The following ZFAT variants were observed in gnomAD, a reference collection of about 807,000 sequenced individuals.
The protein encoded by ZFAT is zinc finger and AT-hook domain containing.
Under a neutral mutation model 117.7 loss-of-function variants are expected in ZFAT, and 64 were observed. That is an observed-to-expected ratio of 0.54 (90% CI 0.44 to 0.67). The LOEUF (loss-of-function observed/expected upper bound fraction) is 0.67, where lower values mean the gene tolerates loss of function less well. Ranked by LOEUF, ZFAT falls within the 30% of genes least tolerant of loss-of-function variation. The pLI is 0.00. For missense variants in ZFAT, 1,433 were observed against 1,584.5 expected, an observed-to-expected ratio of 0.90 and a Z score of 1.62; for synonymous variants, 679 against 615.0, an observed-to-expected ratio of 1.10 and a Z score of -1.54.
chr8:134,806,664 C>G, the ZFAT span, among the ~76,000 whole-genome samples: 1 of 152,146 alleles, frequency 6.6e-6, no homozygotes, highest in African/African-American at 2.4e-5. Flanking sequence ...ACATTTTTAT[C>G]AGAGCCACTG....
At chr8:134,493,379 G>C (rs1818192394) in intron 15 of ZFAT, among the ~76,000 whole-genome samples, 1 of 152,210 alleles carries the variant, frequency 6.6e-6, no homozygotes. Context: ...GCTGAGAGGA[G>C]CAATGCAGGC....
chr8:134,731,259 C>T, the ZFAT span, among the ~76,000 whole-genome samples: 1 of 149,546 alleles, frequency 6.7e-6, no homozygotes, highest in Non-Finnish European at 1.5e-5. Flanking sequence ...TCAACAGAAA[C>T]ACATATGTAT....
At chr8:134,662,940 A>G (rs1342810527) in intron 1 of ZFAT, among the ~76,000 whole-genome samples, 1 of 152,238 alleles carries the variant, frequency 6.6e-6, no homozygotes, top group Admixed American at 6.5e-5. Context: ...GACCAGCCCT[A>G]TGCCCAAGAC....
chr8:134,767,721 C>T, the ZFAT span, among the ~76,000 whole-genome samples: 1 of 152,172 alleles, frequency 6.6e-6, no homozygotes, highest in Non-Finnish European at 1.5e-5. Context: ...GTGTATTTCT[C>T]ACTTTTTTTT....
chr8:134,617,028 A>T (rs569112114), intron 3 of ZFAT, among the ~76,000 whole-genome samples: 41 of 152,288 alleles, frequency 2.7e-4, no homozygotes, highest in African/African-American at 9.6e-4. Context: ...TATCTGGGAC[A>T]CCACCCCAAA....
At chr8:134,747,983 A>G in the ZFAT span, among the ~76,000 whole-genome samples, 2 of 152,256 alleles carry the variant, frequency 1.3e-5, no homozygotes, top group Admixed American at 1.3e-4. Flanking sequence ...CAGTTTGTTC[A>G]GCTAGTTGGA....
intron 15 of ZFAT, among the ~76,000 whole-genome samples, chr8:134,490,445 C>G (rs1033206592): frequency 1.3e-5 from 2 of 152,166 alleles, no homozygotes; most frequent in South Asian, 4.2e-4. Context: ...CTGACCAGTT[C>G]TAGAAAAAAA....
chr8:134,491,019 T>C (rs549800778), intron 15 of ZFAT, among the ~76,000 whole-genome samples: 11 of 152,326 alleles, frequency 7.2e-5, no homozygotes, highest in Admixed American at 2.0e-4. Context: ...TGGGCAACAA[T>C]GCATCAGAAT....
Position 134,588,339 on chromosome 8 carries a change from G to C in ZFAT, c.2620C>G (p.Leu874Val). The C allele has an allele frequency of 6.3e-7, 1 of 1,592,964 alleles. No individual in the cohort carries two copies. Among genetic ancestry groups the C allele is most frequent in the South Asian group, 1.2e-5 (1 of 86,872 alleles). The change falls in exon 9 of 16, where the codon CTA (leucine) becomes GTA (valine). Residue 874 changes from leucine (L) to valine (V), a missense_variant. Physicochemically the swap from Leu to Val is conservative, Grantham distance 32 (BLOSUM62 1). Around this residue, in one of 5 missense-constraint regions of ZFAT, gnomAD observed 503 missense variants for 543.4 expected, o/e 0.93. Coordinates refer to ENST00000377838, the MANE Select transcript of ZFAT (RefSeq NM_020863.4). ...VLGRRVQLKG[L>V]IGKRAMKCPY... ...CATTTCATGGCTCTCTTTCCAATTA[G>C]CCCTTTCAGCTGAACCCTCCTCCCG...
chr8:134,531,768 T>G (rs1460205839), intron 12 of ZFAT, among the ~76,000 whole-genome samples: 1 of 152,258 alleles, frequency 6.6e-6, no homozygotes, highest in Non-Finnish European at 1.5e-5. Flanking sequence ...TCTGTGCTGC[T>G]CATCTATTTC....
intron 3 of ZFAT, among the ~76,000 whole-genome samples, chr8:134,628,121 G>A (rs552425230): frequency 3.9e-5 from 6 of 152,332 alleles, no homozygotes; most frequent in South Asian, 4.1e-4. Context: ...AGGAATCACT[G>A]GCACAGGAGA....
the ZFAT span, among the ~76,000 whole-genome samples, chr8:134,718,762 G>A: frequency 6.6e-5 from 10 of 152,276 alleles, no homozygotes; most frequent in African/African-American, 2.2e-4. Context: ...GGAATAATAC[G>A]TAATTAAGCA....
chr8:134,763,236 C>G, the ZFAT span, among the ~76,000 whole-genome samples: 1 of 152,148 alleles, frequency 6.6e-6, no homozygotes, highest in South Asian at 2.1e-4. Flanking sequence ...TTTCTATTTA[C>G]CATCAACTAT....
the ZFAT span, among the ~76,000 whole-genome samples, chr8:134,783,019 T>C: frequency 2.6e-5 from 4 of 152,104 alleles, no homozygotes; most frequent in Admixed American, 2.6e-4. Flanking sequence ...TTTCAACATA[T>C]GTTGAAAATA....
the ZFAT span, among the ~76,000 whole-genome samples, chr8:134,828,023 C>G: frequency 5.9e-5 from 9 of 152,126 alleles, no homozygotes; most frequent in African/African-American, 2.2e-4. Context: ...GTAGTATACT[C>G]ACCTTTTTTA....
At chr8:134,599,839 G>A (rs981481916) in intron 7 of ZFAT, 6 of 453,676 alleles carry the variant, frequency 1.3e-5, no homozygotes, top group African/African-American at 1.2e-4. Context: ...CATTCATTGT[G>A]TTACAAGATC....
chr8:134,531,853 T>C (rs1300548709), intron 12 of ZFAT, among the ~76,000 whole-genome samples: 2 of 152,258 alleles, frequency 1.3e-5, no homozygotes, highest in African/African-American at 2.4e-5. Context: ...ATGCATTTCA[T>C]GGCTATTACA....
chr8:134,818,742 T>C, the ZFAT span, among the ~76,000 whole-genome samples: 2 of 152,222 alleles, frequency 1.3e-5, no homozygotes, highest in Non-Finnish European at 1.5e-5. Context: ...GGTATATCCA[T>C]ACAATGGAAT....
chr8:134,615,272 C>T (rs963455215), intron 3 of ZFAT, among the ~76,000 whole-genome samples: 2 of 152,164 alleles, frequency 1.3e-5, no homozygotes, highest in African/African-American at 4.8e-5. Context: ...CTGCAACCTC[C>T]ACCTCCGGAG....
Sources: allele counts gnomAD v4.1 joint callset (sites outside exome capture counted in the v4.1 genomes callset), GRCh38; gene constraint gnomAD v4.1.1; regional missense constraint gnomAD v4.1.1; transcripts MANE v1.5; gene names NCBI Gene and HGNC (gene_info 2026-07-23, HGNC 2026-07-21).